Variants in DLG2 observed in about 807,000 individuals in gnomAD.
The protein encoded by DLG2 is disks large homolog 2.
Under a neutral mutation model 132.5 loss-of-function variants are expected in DLG2, and 45 were observed. The ratio of observed to expected loss-of-function variants is 0.34; its 90% CI spans 0.27 to 0.44. The LOEUF (loss-of-function observed/expected upper bound fraction) is 0.44. Among genes scored for constraint, DLG2 ranks in the 20% least tolerant of loss-of-function variants. DLG2 has a pLI of 1.00. For missense variants in DLG2, 1,045 were observed against 1,196.9 expected (o/e 0.87, Z 1.87); for synonymous variants, 424 against 419.6 (o/e 1.01, Z -0.13).
chr11:85,278,125 C>A (rs1212281336), intron 4 of DLG2, among the ~76,000 whole-genome samples: 1 of 152,198 alleles, frequency 6.6e-6, no homozygotes, highest in Non-Finnish European at 1.5e-5. Flanking sequence ...ACCTTTCCCA[C>A]TTTCTCCTAA....
At chr11:83,657,730 C>CG (rs1367419842) in intron 18 of DLG2, among the ~76,000 whole-genome samples, 2 of 151,696 alleles carry the variant, frequency 1.3e-5, no homozygotes, top group Non-Finnish European at 2.9e-5. Context: ...TTAGTAGAGA[C>CG]GGGGTTTCAC....
intron 6 of DLG2, among the ~76,000 whole-genome samples, chr11:84,915,085 T>C (rs1208582672): frequency 6.6e-6 from 1 of 152,188 alleles, no homozygotes. Context: ...TGTCTGACTG[T>C]TGTAATTCAT....
In DLG2 at chr11:84,277,238, T is replaced by G. The variant is rs1242762991; in HGVS notation, c.520-25947A>C. On this transcript the variant is annotated intron_variant, in intron 7 of 27. Coordinates refer to ENST00000376104, the MANE Select transcript of DLG2 (RefSeq NM_001142699.3). The stretch of plus-strand genomic sequence containing the variant: ...AGGCACCAATTTGAGCTAATAAACC[T>G]TTATAGAATATTTTACTCCACAACA... 2.0e-5 allele frequency among the ~76,000 whole-genome samples: 3 copies of G among 152,364 alleles called. No individual in the cohort carries two copies. The South Asian group carries it at 6.2e-4, about 32-fold the overall frequency.
intron 6 of DLG2, among the ~76,000 whole-genome samples, chr11:84,770,714 C>T (rs1406577349): frequency 1.3e-5 from 2 of 150,680 alleles, no homozygotes; most frequent in African/African-American, 2.4e-5. Flanking sequence ...GGCACGATCT[C>T]GGCTCCCTGC....
chr11:84,113,761 G>C (rs1485107959), intron 9 of DLG2, among the ~76,000 whole-genome samples: 1 of 152,052 alleles, frequency 6.6e-6, no homozygotes, highest in Non-Finnish European at 1.5e-5. Context: ...TGAGTAAAAG[G>C]TTCATTTAAA....
In DLG2 at chr11:85,397,587, T is replaced by C. The variant is rs189898693; in HGVS notation, c.41-112222A>G. On this transcript the variant is annotated intron_variant, in intron 3 of 27. Coordinates refer to ENST00000376104, the MANE Select transcript of DLG2 (RefSeq NM_001142699.3). ...CAAAATAAAGGGATGGAGGAAGATA[T>C]ACCAAGCAAATGGAAAGCAAAAAAA... Among the ~76,000 whole-genome samples the C allele has an allele frequency of 3.3e-5, 5 of 152,156 alleles. No individual in the cohort carries two copies. In the East Asian group the frequency reaches 9.7e-4, roughly 29 times the overall value.
chr11:85,401,224 C>G (rs2088064380), intron 3 of DLG2, among the ~76,000 whole-genome samples: 1 of 152,038 alleles, frequency 6.6e-6, no homozygotes, highest in African/African-American at 2.4e-5. Context: ...ATAAACAGAA[C>G]CAATGACAAA....
rs879664488 is a variant in DLG2 at position 83,741,844 on chromosome 11, T to TA, written c.1825+44845dup. On this transcript the variant is annotated intron_variant, in intron 18 of 27. Transcript: ENST00000376104. The stretch of plus-strand genomic sequence containing the variant: ...TAACTTGGTGAAACCCTGTCTCTAC[T>TA]AAAAAAAAAAAATGCAAAAAATTAG... Among the ~76,000 whole-genome samples, 1,056 of 144,910 alleles carry TA rather than the reference T, an allele frequency of 7.3e-3. 15 individuals are homozygous for TA. Among genetic ancestry groups the TA allele is most frequent in the African/African-American group, 0.024 (943 of 39,656 alleles).
chr11:83,737,918 C>A (rs75496962), intron 18 of DLG2, among the ~76,000 whole-genome samples: 12 of 152,114 alleles, frequency 7.9e-5, no homozygotes, highest in African/African-American at 2.2e-4. Flanking sequence ...GGTGATGCTG[C>A]CTTACATAAT....
intron 15 of DLG2, among the ~76,000 whole-genome samples, chr11:83,890,608 A>G (rs1228042892): frequency 6.6e-6 from 1 of 152,098 alleles, no homozygotes; most frequent in Non-Finnish European, 1.5e-5. Flanking sequence ...AAAACTGAAC[A>G]TTTTCATCTG....
intron 6 of DLG2, among the ~76,000 whole-genome samples, chr11:84,895,092 T>C (rs2090005850): frequency 6.6e-6 from 1 of 152,232 alleles, no homozygotes; most frequent in African/African-American, 2.4e-5. Context: ...AGTTAAAATT[T>C]AATTGTAGAA....
chr11:84,423,633 T>C (rs1046768757), intron 7 of DLG2, among the ~76,000 whole-genome samples: 3 of 152,148 alleles, frequency 2.0e-5, no homozygotes, highest in Non-Finnish European at 4.4e-5. Flanking sequence ...CACCATCACA[T>C]CCCAGCTTCT....
intron 7 of DLG2, among the ~76,000 whole-genome samples, chr11:84,367,985 C>T (rs541764389): frequency 2.0e-5 from 3 of 152,224 alleles, no homozygotes; most frequent in African/African-American, 7.2e-5. Flanking sequence ...TTACCCTGTA[C>T]CTACATTTTC....
chr11:85,251,722 A>T (rs1302851307), intron 4 of DLG2, among the ~76,000 whole-genome samples: 1 of 152,220 alleles, frequency 6.6e-6, no homozygotes, highest in Non-Finnish European at 1.5e-5. Flanking sequence ...GCCATTAATA[A>T]GTATACAGCC....
At chr11:83,872,875 T>TC (rs1229707647) in intron 16 of DLG2, among the ~76,000 whole-genome samples, 1 of 152,118 alleles carries the variant, frequency 6.6e-6, no homozygotes, top group Non-Finnish European at 1.5e-5. Flanking sequence ...GTAAAATTAG[T>TC]CCCCACACCC....
intron 6 of DLG2, among the ~76,000 whole-genome samples, chr11:84,591,317 T>G (rs956518425): frequency 8.6e-5 from 13 of 151,060 alleles, no homozygotes; most frequent in African/African-American, 2.9e-4. Context: ...ATGCCTTGTT[T>G]TTTTTTTTTT....
At chr11:84,010,984 C>A (rs1023863517) in intron 11 of DLG2, among the ~76,000 whole-genome samples, 9 of 152,058 alleles carry the variant, frequency 5.9e-5, no homozygotes, top group Admixed American at 5.2e-4. Context: ...GTTCTAATCA[C>A]AAACTATGTA....
intron 6 of DLG2, among the ~76,000 whole-genome samples, chr11:84,645,229 T>C (rs918383942): frequency 1.3e-5 from 2 of 152,210 alleles, no homozygotes; most frequent in Admixed American, 1.3e-4. Context: ...ATTGAACGTC[T>C]CTGAACCTCA....
At chr11:83,946,597 A>C (rs1231869759) in intron 14 of DLG2, among the ~76,000 whole-genome samples, 1 of 152,204 alleles carries the variant, frequency 6.6e-6, no homozygotes, top group East Asian at 1.9e-4. Flanking sequence ...GGTACTATAG[A>C]ATACAAATTA....
Sources: gnomAD v4.1 joint callset for allele counts (sites outside exome capture counted in the v4.1 genomes callset) on GRCh38, gnomAD v4.1.1 for gene constraint, MANE v1.5 for transcripts, NCBI Gene and HGNC (gene_info 2026-07-23, HGNC 2026-07-21) for gene names.